The following MED1 variants were observed in gnomAD, a reference collection of about 807,000 sequenced individuals.
The protein encoded by MED1 is mediator complex subunit 1.
In MED1, 17 loss-of-function variants were observed where a neutral mutation model predicts 121.3. That is an observed-to-expected ratio of 0.14 (90% CI 0.10 to 0.21). The LOEUF (loss-of-function observed/expected upper bound fraction) is 0.21, where lower values mean the gene tolerates loss of function less well. Ranked by LOEUF, MED1 falls within the 10% of genes least tolerant of loss-of-function variation. MED1 has a pLI of 1.00. For synonymous variants in MED1, 661 were observed against 694.4 expected (o/e 0.95, Z 0.76); for missense variants, 1,558 against 1,919.4 (o/e 0.81, Z 3.52).
chr17:39,438,553 G>A (rs775849728), intron 6 of MED1, among the ~76,000 whole-genome samples: 18 of 151,374 alleles, frequency 1.2e-4, no homozygotes, highest in African/African-American at 4.1e-4. Flanking sequence ...GGGTTTCACC[G>A]TGTTAGCCAG....
intron 10 of MED1, among the ~76,000 whole-genome samples, chr17:39,427,155 T>C (rs1218054746): frequency 6.6e-6 from 1 of 151,994 alleles, no homozygotes; most frequent in African/African-American, 2.4e-5. Flanking sequence ...TTCTTATGAG[T>C]TGCTCATTTA....
Position 39,409,172 on chromosome 17 carries a change from T to C in MED1, c.3049A>G (p.Thr1017Ala), listed in dbSNP as rs751508458. ...CTATGAGATGGAGACTTTCCCTCAG[T>C]GTCTGCCTTCTTCCGCTTTGGAGGC... ...DKPPKRKKAD[T>A]EGKSPSHSSS... The change falls in exon 17 of 17, where the codon ACT (threonine) becomes GCT (alanine). Residue 1017 changes from threonine to alanine, a missense_variant. By Grantham distance (58) the Thr-to-Ala change is moderately conservative. This residue lies in a region of MED1 where 793 missense variants were observed against 898.2 expected (regional missense o/e 0.88). Transcript: ENST00000300651. 12 of 1,614,100 alleles carry C rather than the reference T, an allele frequency of 7.4e-6. No individual in the cohort carries two copies. Among genetic ancestry groups the C allele is most frequent in the African/African-American group, 4.0e-5 (3 of 74,914 alleles).
chr17:39,420,791 A>ATT lies in MED1; in HGVS notation c.1096-875_1096-874dup, dbSNP rs71147330. ...CAGGCATGAACAACCACATGTGCCT[A>ATT]TTTTTTTTTTTTTTTTTTTTTGAGA... On this transcript the variant is annotated intron_variant, in intron 13 of 16. Transcript: ENST00000300651. Among the ~76,000 whole-genome samples, 653 of 109,852 alleles carry ATT rather than the reference A, an allele frequency of 5.9e-3. 12 individuals are homozygous for ATT. Among genetic ancestry groups the ATT allele is most frequent in the Middle Eastern group, 0.017 (3 of 178 alleles). The allele number at this position is 109,852 out of a possible 152,430, so 72.1% of individuals were successfully genotyped here.
In MED1 at chr17:39,404,583, C is replaced by T. The variant is rs1252346877; in HGVS notation, c.*2892G>A. On this transcript the variant is annotated 3_prime_UTR_variant, in exon 17 of 17. Transcript: ENST00000300651. Reference sequence around the variant, plus strand: ...TTAAGTACTTCCTGCCCCTCCAAAACTAACTCAAGGATAGAAATGTATGGG... The same window carrying T: ...TTAAGTACTTCCTGCCCCTCCAAAATTAACTCAAGGATAGAAATGTATGGG... 1 of 152,148 alleles carries T rather than the reference C, an allele frequency of 6.6e-6. No homozygotes were observed. The highest frequency in any genetic ancestry group is 1.5e-5 in the Non-Finnish European group (1 of 68,014). 9.4% of individuals were successfully genotyped at this position (152,148 alleles called of 1,614,324 possible). A position where few individuals can be genotyped will look rare whatever the true frequency, so the allele number is the denominator to read the frequency against.
intron 16 of MED1, among the ~76,000 whole-genome samples, chr17:39,413,914 A>C (rs1323129465): frequency 9.5e-5 from 1 of 10,528 alleles, no homozygotes; most frequent in Non-Finnish European, 3.9e-4. Flanking sequence ...AATATCATTA[A>C]AAAAAAAAAA....
chr17:39,439,260 C>T, intron 5 of MED1, 67 bp from the exon 6 acceptor site: 1 of 1,287,670 alleles, frequency 7.8e-7, no homozygotes, highest in Non-Finnish European at 1.1e-6. Flanking sequence ...TATCAAAAGC[C>T]TTTCTCTTTT....
chr17:39,429,229 G>A (rs1042776215), intron 9 of MED1, among the ~76,000 whole-genome samples: 1 of 152,046 alleles, frequency 6.6e-6, no homozygotes, highest in African/African-American at 2.4e-5. Context: ...GCACTTGACT[G>A]AAGTCCTAGC....
At chr17:39,425,804 GAA>G (rs557890354) in intron 10 of MED1, among the ~76,000 whole-genome samples, 24 of 129,532 alleles carry the variant, frequency 1.9e-4, no homozygotes, top group African/African-American at 2.5e-4. Context: ...TCTGTCTGGG[GAA>G]AAAAAAAAAA....
chr17:39,442,936 T>A (rs2048692987), intron 3 of MED1, among the ~76,000 whole-genome samples: 3 of 131,294 alleles, frequency 2.3e-5, no homozygotes, highest in Admixed American at 7.7e-5. Context: ...AAAAAGTCCA[T>A]CTTCTTATCG....
chr17:39,431,888 T>C, intron 8 of MED1, 54 bp downstream of exon 8: 1 of 1,282,788 alleles, frequency 7.8e-7, no homozygotes, highest in South Asian at 1.2e-5. Context: ...GACCCTAATC[T>C]CCCCAGAGAA....
Position 39,423,685 on chromosome 17 carries a change from C to T in MED1, c.976+12G>A, listed in dbSNP as rs1192800556. 2 of 1,613,878 alleles carry T rather than the reference C, an allele frequency of 1.2e-6. No homozygotes were observed. Among genetic ancestry groups the T allele is most frequent in the South Asian group, 1.1e-5 (1 of 91,022 alleles). The stretch of plus-strand genomic sequence containing the variant: ...TTATAACAAGTACTAGATCCTGATG[C>T]TCAAAACTCACCTGTGCAGTTCTGC... On this transcript the variant is annotated intron_variant, in intron 12 of 16. Coordinates refer to ENST00000300651, the MANE Select transcript of MED1 (RefSeq NM_004774.4).
intron 2 of MED1, among the ~76,000 whole-genome samples, chr17:39,447,407 CA>C (rs944647679): frequency 7.5e-6 from 1 of 133,224 alleles, no homozygotes; most frequent in African/African-American, 2.7e-5. Flanking sequence ...AAAAAAAAAA[CA>C]AAAAAAAACT....
At chr17:39,432,213 GGCA>G (rs2048571255) in intron 7 of MED1, among the ~76,000 whole-genome samples, 197 bp from the exon 8 acceptor site, 32 of 151,550 alleles carry the variant, frequency 2.1e-4, no homozygotes, top group Non-Finnish European at 5.9e-5. Flanking sequence ...CGTGGTGGCA[GGCA>G]CCTGTAATCC....
intron 2 of MED1, 103 bp downstream of exon 2, chr17:39,447,695 G>A: frequency 1.3e-6 from 1 of 760,294 alleles, no homozygotes; most frequent in Non-Finnish European, 2.1e-6. Flanking sequence ...CATGTATTCA[G>A]ATGTTTTATG....
At chr17:39,442,656 C>T (rs2048689694) in intron 3 of MED1, among the ~76,000 whole-genome samples, 1 of 147,940 alleles carries the variant, frequency 6.8e-6, no homozygotes, top group Admixed American at 6.8e-5. Flanking sequence ...CCTGTGATCC[C>T]AGAACTTTGG....
At chr17:39,449,417 G>A (rs2048760059) in intron 1 of MED1, among the ~76,000 whole-genome samples, 1 of 152,128 alleles carries the variant, frequency 6.6e-6, no homozygotes, top group African/African-American at 2.4e-5. Flanking sequence ...GTGGGCTCAA[G>A]TGATTCGCCC....
intron 7 of MED1, among the ~76,000 whole-genome samples, chr17:39,433,750 G>A (rs1449494699): frequency 6.6e-6 from 1 of 151,786 alleles, no homozygotes; most frequent in African/African-American, 2.4e-5. Context: ...CTAGAGACAG[G>A]GTCTCACTAT....
At chr17:39,429,785 GT>G (rs1180335197) in intron 9 of MED1, among the ~76,000 whole-genome samples, 2 of 142,638 alleles carry the variant, frequency 1.4e-5, no homozygotes, top group Admixed American at 7.1e-5. Flanking sequence ...CTGCTTATAT[GT>G]TTATAAACCC....
intron 7 of MED1, among the ~76,000 whole-genome samples, chr17:39,432,337 C>A: frequency 1.6e-5 from 1 of 61,670 alleles, no homozygotes; most frequent in African/African-American, 6.2e-5. Context: ...AACAAGATTC[C>A]ATCTCAAAAA....
Sources: gnomAD v4.1 joint callset for allele counts (sites outside exome capture counted in the v4.1 genomes callset) on GRCh38, gnomAD v4.1.1 for gene constraint, gnomAD v4.1.1 regional missense constraint, MANE v1.5 for transcripts, NCBI Gene and HGNC (gene_info 2026-07-23, HGNC 2026-07-21) for gene names.